The following BAHCC1 variants were observed in gnomAD, a reference collection of about 807,000 sequenced individuals.
The protein encoded by BAHCC1 is BAH and coiled-coil domain-containing protein 1.
A neutral mutation model predicts 88.2 loss-of-function variants in BAHCC1; 43 were observed. The ratio of observed to expected loss-of-function variants is 0.49; its 90% CI spans 0.38 to 0.63. The LOEUF (loss-of-function observed/expected upper bound fraction) is 0.63, where lower values mean the gene tolerates loss of function less well. Among genes scored for constraint, BAHCC1 ranks in the 20% least tolerant of loss-of-function variants. The pLI is 0.00. For missense variants in BAHCC1, 3,023 were observed against 1,654.8 expected (o/e 1.83, Z -14.34); for synonymous variants, 1,510 against 745.5 (o/e 2.03, Z -16.71).
rs782446392 is a variant in BAHCC1, at chr17:81,452,028, G to A, written c.4237G>A (p.Val1413Met). 1.6e-5 allele frequency: 10 copies of A among 631,338 alleles called. No individual in the cohort carries two copies. Among genetic ancestry groups the A allele is most frequent in the South Asian group, 7.5e-5 (4 of 53,300 alleles). The allele number at this position is 631,338 out of a possible 1,614,324, so 39.1% of individuals were successfully genotyped here. ...RLDTQEVGMR[V>M]RLAELQRRYK... Reference sequence around the variant, plus strand: ...GGACACGCAGGAGGTGGGGATGCGCGTGCGGCTGGCGGAGCTGCAGCGGCG... The same window carrying A: ...GGACACGCAGGAGGTGGGGATGCGCATGCGGCTGGCGGAGCTGCAGCGGCG... The change falls in exon 13 of 28, where the codon GTG becomes ATG. Residue 1413 changes from valine (V) to methionine (M), a missense_variant. Coordinates refer to ENST00000675386, the MANE Select transcript of BAHCC1 (RefSeq NM_001377448.1).
intron 2 of BAHCC1, chr17:81,401,375 C>T (rs1416785912): frequency 6.5e-6 from 1 of 152,692 alleles, no homozygotes; most frequent in Non-Finnish European, 1.5e-5. Flanking sequence ...CTCTGTTGCC[C>T]TTCCTTCTTT....
intron 2 of BAHCC1, chr17:81,407,415 G>C: frequency 1.9e-6 from 1 of 519,716 alleles, no homozygotes; most frequent in Non-Finnish European, 3.9e-6. Flanking sequence ...GGTCCTTGGA[G>C]CACAGTTGAA....
Position 81,399,900 on chromosome 17 carries a change from C to T in BAHCC1, c.161C>T (p.Pro54Leu), listed in dbSNP as rs1345322127. 12 of 1,448,276 alleles carry T rather than the reference C, an allele frequency of 8.3e-6. No homozygotes were observed. The highest frequency in any genetic ancestry group is 1.0e-5 in the Non-Finnish European group (11 of 1,097,704). 89.7% of individuals were successfully genotyped at this position (1,448,276 alleles called of 1,614,324 possible). A position where few individuals can be genotyped will look rare whatever the true frequency, so the allele number is the denominator to read the frequency against. Residue 54 changes from proline (P) to leucine (L), a missense_variant, in exon 2 of 28, where the codon CCC becomes CTC. Physicochemically the swap from Pro to Leu is moderately conservative, Grantham distance 98. Coordinates refer to ENST00000675386, the MANE Select transcript of BAHCC1 (RefSeq NM_001377448.1). The surrounding 1 kb of genome is among the most constrained non-coding windows in gnomAD (Gnocchi z 4.5). ...QPGKYFPSPL[P>L]MASHTASSRL... The stretch of plus-strand genomic sequence containing the variant: ...GGAAAGTACTTCCCGTCGCCGTTGC[C>T]CATGGCTTCGCACACAGGTCAGTGC...
rs367683006 is a variant in BAHCC1 at position 81,399,082 on chromosome 17, C to G, written c.-206-452C>G. On this transcript the variant is annotated intron_variant, in intron 1 of 27. Transcript: ENST00000675386. This position sits in a 1 kb window ranked among gnomAD's most constrained non-coding sequence, Gnocchi z 4.5. Reference sequence around the variant, plus strand: ...TAGTGTGGACCCCAGGCCTTTTCCTCCGAGACACCTTTGGGCAGCGGGGGA... The same window carrying G: ...TAGTGTGGACCCCAGGCCTTTTCCTGCGAGACACCTTTGGGCAGCGGGGGA... The G allele has an allele frequency of 6.6e-5, 14 of 211,000 alleles. No individual in the cohort carries two copies. The highest frequency in any genetic ancestry group is 1.3e-4 in the Non-Finnish European group (12 of 93,664). The allele number at this position is 211,000 out of a possible 1,614,324, so 13.1% of individuals were successfully genotyped here. A position where few individuals can be genotyped will look rare whatever the true frequency, so the allele number is the denominator to read the frequency against.
chr17:81,406,579 C>G (rs1358584045), intron 2 of BAHCC1, among the ~76,000 whole-genome samples: 1 of 152,262 alleles, frequency 6.6e-6, no homozygotes, highest in Non-Finnish European at 1.5e-5. Context: ...GACCGCACTC[C>G]GCTCGGGCTC....
chr17:81,398,122 A>G (rs573943268), intron 1 of BAHCC1, among the ~76,000 whole-genome samples: 1 of 152,364 alleles, frequency 6.6e-6, no homozygotes, highest in South Asian at 2.1e-4. Flanking sequence ...CTAATTAGGA[A>G]TATCAAGCCT....
chr17:81,418,751 A>G (rs2064067623), intron 2 of BAHCC1, among the ~76,000 whole-genome samples: 1 of 120,364 alleles, frequency 8.3e-6, no homozygotes, highest in South Asian at 2.5e-4. Flanking sequence ...ACACCCACAG[A>G]CGTGTGTGTG....
At chr17:81,405,281 G>T (rs1193117133) in intron 2 of BAHCC1, among the ~76,000 whole-genome samples, 2 of 152,142 alleles carry the variant, frequency 1.3e-5, no homozygotes, top group Non-Finnish European at 2.9e-5. Context: ...TCCCATGCTG[G>T]TCTTGAGCTC....
rs34940977 is a variant in BAHCC1, at chr17:81,453,591, G to GCC, written c.4445+748_4445+749dup. Among the ~76,000 whole-genome samples, 196 of 150,864 alleles carry GCC rather than the reference G, an allele frequency of 1.3e-3. 1 individual carries two copies. Among genetic ancestry groups the GCC allele is most frequent in the Middle Eastern group, 3.4e-3 (1 of 290 alleles). ...GCAGTGGAGGGGTCACCATATGGCT[G>GCC]CCCCCCCCCAGAGCTGCCCCTGCCC... On this transcript the variant is annotated intron_variant, in intron 14 of 27. Transcript: ENST00000675386.
chr17:81,461,577 G>C lies in BAHCC1; in HGVS notation c.6914G>C (p.Gly2305Ala). ...EDEDGPGLAA[G>A]VPSRFLARLS... ...GAGGACGGGCCGGGGCTGGCGGCCG[G>C]CGTGCCCTCCCGCTTCCTCGCCCGC... The change falls in exon 26 of 28, where the codon GGC becomes GCC. Residue 2305 changes from glycine to alanine, a missense_variant. Gly to Ala is a moderately conservative substitution (Grantham distance 60). Transcript: ENST00000675386. The C allele has an allele frequency of 1.4e-6, 1 of 720,254 alleles. No individual in the cohort carries two copies. Among genetic ancestry groups the C allele is most frequent in the Non-Finnish European group, 2.6e-6 (1 of 387,128 alleles). 44.6% of individuals were successfully genotyped at this position (720,254 alleles called of 1,614,324 possible). A position where few individuals can be genotyped will look rare whatever the true frequency, so the allele number is the denominator to read the frequency against.
At chr17:81,446,276 GT>G (rs1258010877) in intron 10 of BAHCC1, among the ~76,000 whole-genome samples, 1 of 149,452 alleles carries the variant, frequency 6.7e-6, no homozygotes, top group Non-Finnish European at 1.5e-5. Flanking sequence ...TTTTCCCTTC[GT>G]TTTTTTTTTC....
chr17:81,451,700 C>G lies in BAHCC1; in HGVS notation c.4009C>G (p.Gln1337Glu), dbSNP rs782360773. The G allele has an allele frequency of 2.6e-6, 2 of 776,936 alleles. No homozygotes were observed. The highest frequency in any genetic ancestry group is 2.7e-5 in the South Asian group (2 of 74,544). The allele number at this position is 776,936 out of a possible 1,614,324, so 48.1% of individuals were successfully genotyped here. A position where few individuals can be genotyped will look rare whatever the true frequency, so the allele number is the denominator to read the frequency against. The change falls in exon 12 of 28, where the codon CAG becomes GAG. Residue 1337 changes from glutamine to glutamate, a missense_variant. Gln to Glu is a conservative substitution (Grantham distance 29). Coordinates refer to ENST00000675386, the MANE Select transcript of BAHCC1 (RefSeq NM_001377448.1). ...AGAGGACGTGCTAGCCTTCAACCTG[C>G]AGCACCTGGCCACGCTGGCCACAGC... is the stretch of plus-strand genomic sequence containing the variant. ...EEEDVLAFNL[Q>E]HLATLATAWS...
At chr17:81,413,218 C>A (rs1338717881) in intron 2 of BAHCC1, 2 of 290,522 alleles carry the variant, frequency 6.9e-6, no homozygotes, top group South Asian at 5.0e-5. Flanking sequence ...GACCATGCCC[C>A]CCCCGGGCGC....
chr17:81,425,103 TG>T (rs2064163062), intron 2 of BAHCC1, among the ~76,000 whole-genome samples: 2 of 115,374 alleles, frequency 1.7e-5, no homozygotes, highest in African/African-American at 3.4e-5. Context: ...GTGATAGTGG[TG>T]GGTGATGTGG....
intron 14 of BAHCC1, among the ~76,000 whole-genome samples, chr17:81,453,861 G>C (rs1331315742): frequency 6.6e-6 from 1 of 152,264 alleles, no homozygotes; most frequent in Non-Finnish European, 1.5e-5. Context: ...TTGGCCCCGG[G>C]ACGGGCCTTC....
At position 81,460,998 on chromosome 17, in the gene BAHCC1, C is replaced by A. The variant is rs782524026; in HGVS notation, c.6335C>A (p.Ala2112Asp). The A allele has an allele frequency of 1.3e-6, 1 of 773,270 alleles. No individual in the cohort carries two copies. The highest frequency in any genetic ancestry group is 2.4e-6 in the Non-Finnish European group (1 of 417,120). The allele number at this position is 773,270 out of a possible 1,614,324, so 47.9% of individuals were successfully genotyped here. The part of the protein sequence containing the change: ...AQTKRKAVAA[A>D]SKGPGVLQNL... ...ACCAAGCGGAAGGCGGTGGCAGCGGCCAGCAAGGGGCCGGGGGTGCTGCAG... is the reference window on the plus strand; with the variant it reads ...ACCAAGCGGAAGGCGGTGGCAGCGGACAGCAAGGGGCCGGGGGTGCTGCAG... Residue 2112 changes from alanine to aspartate, a missense_variant, in exon 26 of 28, where the codon GCC becomes GAC. Transcript: ENST00000675386.
intron 2 of BAHCC1, among the ~76,000 whole-genome samples, chr17:81,403,899 G>T (rs2063848269): frequency 6.6e-6 from 1 of 152,374 alleles, no homozygotes; most frequent in African/African-American, 2.4e-5. Context: ...TTCCCCCAGT[G>T]GGGCTCGTGC....
intron 2 of BAHCC1, among the ~76,000 whole-genome samples, chr17:81,400,350 G>A (rs900427008): frequency 1.4e-4 from 21 of 152,156 alleles, no homozygotes; most frequent in Non-Finnish European, 1.2e-4. Flanking sequence ...AGGGTACGCC[G>A]CGGCCTCGCG....
At chr17:81,457,077 G>A (rs2064763115) in intron 16 of BAHCC1, among the ~76,000 whole-genome samples, 1 of 152,168 alleles carries the variant, frequency 6.6e-6, no homozygotes, top group Non-Finnish European at 1.5e-5. Context: ...TTGGGGCTGG[G>A]GGAGGGGCAG....
Sources: allele counts gnomAD v4.1 joint callset (sites outside exome capture counted in the v4.1 genomes callset), GRCh38; gene constraint gnomAD v4.1.1; non-coding constraint Gnocchi (gnomAD v3.1); transcripts MANE v1.5; gene names NCBI Gene and HGNC (gene_info 2026-07-23, HGNC 2026-07-21).